Variants in WWC2 observed in about 807,000 individuals in gnomAD.
WWC2 encodes the protein protein WWC2.
A neutral mutation model predicts 138.5 loss-of-function variants in WWC2; 101 were observed. That is an observed-to-expected ratio of 0.73 (90% CI 0.62 to 0.86). WWC2 has a LOEUF of 0.86. Ranked by LOEUF, WWC2 falls within the 40% of genes least tolerant of loss-of-function variation. WWC2 has a pLI of 0.00. For missense variants in WWC2, 1,420 were observed against 1,419.4 expected (o/e 1.00, Z -0.01); for synonymous variants, 558 against 538.4 (o/e 1.04, Z -0.50).
intron 16 of WWC2, among the ~76,000 whole-genome samples, chr4:183,271,624 A>G (rs1164003618): frequency 6.6e-6 from 1 of 152,186 alleles, no homozygotes; most frequent in African/African-American, 2.4e-5. Flanking sequence ...GCACTTTTAT[A>G]TTTTGCAGAT....
At chr4:183,213,271 G>T (rs965765794) in intron 4 of WWC2, among the ~76,000 whole-genome samples, 2 of 152,238 alleles carry the variant, frequency 1.3e-5, no homozygotes, top group Non-Finnish European at 1.5e-5. Context: ...TTCAGAAGTG[G>T]ATGGGTAACT....
intron 10 of WWC2, 95 bp downstream of exon 10, chr4:183,259,823 A>C: frequency 2.2e-6 from 2 of 894,892 alleles, no homozygotes; most frequent in Non-Finnish European, 3.5e-6. Context: ...CAACTACTTT[A>C]AATAAAATCA....
At chr4:183,220,812 C>T (rs1468919413) in intron 4 of WWC2, among the ~76,000 whole-genome samples, 1 of 145,948 alleles carries the variant, frequency 6.9e-6, no homozygotes, top group Non-Finnish European at 1.5e-5. Flanking sequence ...CCAGCCTGGG[C>T]GACAGAGCGA....
intron 20 of WWC2, among the ~76,000 whole-genome samples, chr4:183,287,468 T>C (rs771524629): frequency 6.6e-6 from 1 of 152,194 alleles, no homozygotes; most frequent in East Asian, 1.9e-4. Flanking sequence ...AAAGTGTTTA[T>C]GAATCGAGTG....
chr4:183,181,681 C>T (rs988533176), intron 1 of WWC2, among the ~76,000 whole-genome samples: 16 of 152,126 alleles, frequency 1.1e-4, no homozygotes, highest in African/African-American at 3.1e-4. Context: ...TTCCGGTCAA[C>T]AGTAGGCAGT....
At chr4:183,219,111 T>A (rs1296997736) in intron 4 of WWC2, among the ~76,000 whole-genome samples, 2 of 152,140 alleles carry the variant, frequency 1.3e-5, no homozygotes, top group African/African-American at 4.8e-5. Context: ...ATATGATTCA[T>A]CTTATGTAAG....
chr4:183,248,697 TTG>T lies in WWC2; in HGVS notation c.733-13_733-12del, dbSNP rs1736876643. ...TACTTGTTAAGCTTTATGAAACACT[TTG>T]TGTTTTCTGAACAGAGTCTTGCTAA... On this transcript the variant is annotated splice_polypyrimidine_tract_variant and intron_variant, in intron 6 of 22. Transcript: ENST00000403733. 6.4e-7 allele frequency: 1 copy of T among 1,569,622 alleles called. No homozygotes were observed. Among genetic ancestry groups the T allele is most frequent in the East Asian group, 2.3e-5 (1 of 43,990 alleles).
intron 8 of WWC2, among the ~76,000 whole-genome samples, chr4:183,252,993 A>G (rs1737024306): frequency 6.6e-6 from 1 of 152,142 alleles, no homozygotes; most frequent in Non-Finnish European, 1.5e-5. Flanking sequence ...TAGCCTCCCA[A>G]GGAGCAGGGA....
At chr4:183,177,832 A>C (rs937580254) in intron 1 of WWC2, among the ~76,000 whole-genome samples, 2 of 151,980 alleles carry the variant, frequency 1.3e-5, no homozygotes, top group Non-Finnish European at 2.9e-5. Flanking sequence ...TTTTTTGGGA[A>C]GCAGTTAGAC....
chr4:183,146,005 T>C (rs972145780), intron 1 of WWC2, among the ~76,000 whole-genome samples: 3 of 152,240 alleles, frequency 2.0e-5, no homozygotes, highest in Admixed American at 6.5e-5. Flanking sequence ...ATGACACATG[T>C]AGAATAAACT....
At chr4:183,130,858 A>G (rs1579968115) in intron 1 of WWC2, among the ~76,000 whole-genome samples, 1 of 152,206 alleles carries the variant, frequency 6.6e-6, no homozygotes, top group African/African-American at 2.4e-5. Flanking sequence ...CCTCCTGAAA[A>G]AAGACTCAAA....
intron 5 of WWC2, among the ~76,000 whole-genome samples, chr4:183,244,767 C>T (rs1044593255): frequency 6.6e-6 from 1 of 152,132 alleles, no homozygotes; most frequent in Non-Finnish European, 1.5e-5. Context: ...GTTTACTTGC[C>T]TCTGTGTTCT....
rs563984525 is a variant in WWC2, at chr4:183,111,698, G to GT, written c.131+12089dup. Among the ~76,000 whole-genome samples the GT allele has an allele frequency of 5.2e-3, 738 of 140,920 alleles. 3 individuals carry two copies. The highest frequency in any genetic ancestry group is 6.7e-3 in the Non-Finnish European group (433 of 64,272). The allele number at this position is 140,920 out of a possible 152,430, so 92.4% of individuals were successfully genotyped here. On this transcript the variant is annotated intron_variant, in intron 1 of 22. Transcript: ENST00000403733. ...AAACAGATCATTTACTTTCTGTTTTGTTTTTTTTTTTTTGATACCGGGTCT... is the reference window on the plus strand; with the variant it reads ...AAACAGATCATTTACTTTCTGTTTTGTTTTTTTTTTTTTTGATACCGGGTCT...
At chr4:183,116,179 A>T (rs1455377273) in intron 1 of WWC2, among the ~76,000 whole-genome samples, 1 of 152,126 alleles carries the variant, frequency 6.6e-6, no homozygotes, top group Non-Finnish European at 1.5e-5. Context: ...GGTTTTTCTA[A>T]CATGTTCCAT....
chr4:183,122,627 C>T (rs937080229), intron 1 of WWC2, among the ~76,000 whole-genome samples: 2 of 152,132 alleles, frequency 1.3e-5, no homozygotes, highest in Non-Finnish European at 2.9e-5. Flanking sequence ...TCAAGCGATT[C>T]TCGTGCCTCA....
In WWC2 at chr4:183,317,000, T is replaced by G. The variant is rs995558270; in HGVS notation, c.*1271T>G. 30 of 152,178 alleles carry G rather than the reference T, an allele frequency of 2.0e-4. No individual in the cohort carries two copies. Among genetic ancestry groups the G allele is most frequent in the African/African-American group, 7.2e-4 (30 of 41,440 alleles). The allele number at this position is 152,178 out of a possible 1,614,324, so 9.4% of individuals were successfully genotyped here. On this transcript the variant is annotated 3_prime_UTR_variant, in exon 23 of 23. Transcript: ENST00000403733. ...ACTTCTTAAAAACACAGATCCTCAG[T>G]GCAGCTCTGCCAGCATCAAGGCTTT...
At chr4:183,261,604 T>C in intron 11 of WWC2, 72 bp downstream of exon 11, 1 of 1,466,968 alleles carries the variant, frequency 6.8e-7, no homozygotes, top group Middle Eastern at 1.9e-4. Context: ...GCATTATTTT[T>C]CCATATAAAC....
At chr4:183,273,519 G>A (rs191472938) in intron 16 of WWC2, among the ~76,000 whole-genome samples, 2 of 152,170 alleles carry the variant, frequency 1.3e-5, no homozygotes, top group Admixed American at 1.3e-4. Flanking sequence ...GGTCAGGCTG[G>A]TCTCAAACTC....
chr4:183,182,311 C>T lies in WWC2; in HGVS notation c.132-11288C>T, dbSNP rs529284242. Among the ~76,000 whole-genome samples, 13 of 152,294 alleles carry T rather than the reference C, an allele frequency of 8.5e-5. No homozygotes were observed. In the South Asian group the frequency reaches 2.5e-3, roughly 29 times the overall value. On this transcript the variant is annotated intron_variant, in intron 1 of 22. Transcript: ENST00000403733. ...GAATACTGAAGCCTCTTCTAGTCTT[C>T]GTCCATGAGCAATTATTATCCACCA...
Sources: gnomAD v4.1 joint callset for allele counts (sites outside exome capture counted in the v4.1 genomes callset) on GRCh38, gnomAD v4.1.1 for gene constraint, MANE v1.5 for transcripts, NCBI Gene and HGNC (gene_info 2026-07-23, HGNC 2026-07-21) for gene names.